PSMC2: variants seen among roughly 807,000 people sequenced by gnomAD.
PSMC2 encodes proteasome 26S subunit, ATPase 2.
A neutral mutation model predicts 53.3 loss-of-function variants in PSMC2; 7 were observed. The ratio of observed to expected loss-of-function variants is 0.13; its 90% CI spans 0.07 to 0.25. PSMC2 has a LOEUF of 0.25. Among genes scored for constraint, PSMC2 ranks in the 10% least tolerant of loss-of-function variants. PSMC2 has a pLI of 1.00. For missense variants in PSMC2, 241 were observed against 544.0 expected (o/e 0.44, Z 5.54); for synonymous variants, 169 against 183.9 (o/e 0.92, Z 0.66).
chr7:103,348,795 CCAAGGCAT>C, intron 1 of PSMC2: 1 of 824,702 alleles, frequency 1.2e-6, no homozygotes, highest in South Asian at 1.3e-5. Context: ...AAAGGATTAT[CCAAGGCAT>C]CTACCCAATG....
At chr7:103,353,834 C>A in intron 1 of PSMC2, 87 bp from the exon 2 acceptor site, 1 of 1,133,292 alleles carries the variant, frequency 8.8e-7, no homozygotes, top group African/African-American at 1.6e-5. Context: ...CAATTTGAAT[C>A]GAACAGAAAA....
In PSMC2 at chr7:103,367,899, G is replaced by T; in HGVS notation, c.1147G>T (p.Ala383Ser). The T allele has an allele frequency of 1.2e-6, 2 of 1,613,064 alleles. No individual in the cohort carries two copies. The highest frequency in any genetic ancestry group is 1.7e-6 in the Non-Finnish European group (2 of 1,179,668). The change falls in exon 12 of 12, where the codon GCT becomes TCT. Residue 383 changes from alanine to serine, a missense_variant and splice_region_variant. By Grantham distance (99) the Ala-to-Ser change is moderately conservative. This residue lies in a region of PSMC2 where 60 missense variants were observed against 115.8 expected (regional missense o/e 0.52). Transcript: ENST00000292644. The surrounding 1 kb of genome is among the most constrained non-coding windows in gnomAD (Gnocchi z 6.1). Reference sequence around the variant, plus strand: ...TTTATTTTCTTTTTGTTTGAAAGGTGCTGAGATTAGAAGCGTCTGCACAGA... The same window carrying T: ...TTTATTTTCTTTTTGTTTGAAAGGTTCTGAGATTAGAAGCGTCTGCACAGA... ...LARLCPNSTG[A>S]EIRSVCTEAG...
intron 1 of PSMC2, chr7:103,352,806 C>T (rs1819795006): frequency 1.3e-6 from 1 of 779,876 alleles, no homozygotes; most frequent in African/African-American, 1.7e-5. Flanking sequence ...TGAGGTCACC[C>T]CACTAACAGA....
rs1820838598 is a variant in PSMC2, at chr7:103,368,480, A to C, written c.*426A>C. 1 of 155,444 alleles carries C rather than the reference A, an allele frequency of 6.4e-6. No homozygotes were observed. The highest frequency in any genetic ancestry group is 1.4e-5 in the Non-Finnish European group (1 of 70,182). 9.6% of individuals were successfully genotyped at this position (155,444 alleles called of 1,614,324 possible). ...CAAGTACAAGTTTGTTGGCTCCATT[A>C]CCTATGCTCCTATTATCCGCTTCTG... On this transcript the variant is annotated 3_prime_UTR_variant, in exon 12 of 12. Coordinates refer to ENST00000292644, the MANE Select transcript of PSMC2 (RefSeq NM_002803.4).
At chr7:103,351,654 A>T (rs1353220915) in intron 1 of PSMC2, among the ~76,000 whole-genome samples, 2 of 152,206 alleles carry the variant, frequency 1.3e-5, no homozygotes, top group Non-Finnish European at 2.9e-5. Flanking sequence ...GACAAGAGCC[A>T]AGAACCAACC....
chr7:103,367,283 T>G lies in PSMC2; in HGVS notation c.845-130T>G, dbSNP rs1445592529. 4.2e-6 allele frequency: 3 copies of G among 712,688 alleles called. No individual in the cohort carries two copies. The highest frequency in any genetic ancestry group is 4.8e-6 in the Non-Finnish European group (2 of 415,864). The allele number at this position is 712,688 out of a possible 1,614,324, so 44.1% of individuals were successfully genotyped here. A position where few individuals can be genotyped will look rare whatever the true frequency, so the allele number is the denominator to read the frequency against. On this transcript the variant is annotated intron_variant, in intron 9 of 11. Coordinates refer to ENST00000292644, the MANE Select transcript of PSMC2 (RefSeq NM_002803.4). This position sits in a 1 kb window ranked among gnomAD's most constrained non-coding sequence, Gnocchi z 6.1. The stretch of plus-strand genomic sequence containing the variant: ...ATAAAGCAAGCTGTTCTTACAGGAT[T>G]TGCTTCAAAGTGGGATGTCACTTGT...
rs1820788829 is a variant in PSMC2 at position 103,367,747 on chromosome 7, C to T, written c.1082C>T (p.Ser361Leu). The part of the protein sequence containing the change: ...RTHIFKIHAR[S>L]MSVERDIRFE... ...CACATATTTAAGATTCACGCTCGTT[C>T]AATGAGTGTTGAAAGAGATATCAGA... is the stretch of plus-strand genomic sequence containing the variant. Residue 361 changes from serine to leucine, a missense_variant, in exon 11 of 12, where the codon TCA (serine) becomes TTA (leucine). Physicochemically the swap from Ser to Leu is moderately radical, Grantham distance 145. This residue lies in a region of PSMC2 where 60 missense variants were observed against 115.8 expected (regional missense o/e 0.52). Transcript: ENST00000292644. This position sits in a 1 kb window ranked among gnomAD's most constrained non-coding sequence, Gnocchi z 6.1. 6.2e-7 allele frequency: 1 copy of T among 1,613,918 alleles called. No homozygotes were observed.
In PSMC2 at chr7:103,348,519, T is replaced by C. The variant is rs1036401731; in HGVS notation, c.70+738T>C. On this transcript the variant is annotated intron_variant, in intron 1 of 11. Coordinates refer to ENST00000292644, the MANE Select transcript of PSMC2 (RefSeq NM_002803.4). Reference sequence around the variant, plus strand: ...TGCGTATACAGTAATGTATTTATTATTGATGGACGTGTAGATTTTTCCAAT... The same window carrying C: ...TGCGTATACAGTAATGTATTTATTACTGATGGACGTGTAGATTTTTCCAAT... 8 of 669,486 alleles carry C rather than the reference T, an allele frequency of 1.2e-5. 1 individual carries two copies. The highest frequency in any genetic ancestry group is 7.4e-5 in the South Asian group (5 of 67,880). The allele number at this position is 669,486 out of a possible 1,614,324, so 41.5% of individuals were successfully genotyped here. A position where few individuals can be genotyped will look rare whatever the true frequency, so the allele number is the denominator to read the frequency against.
At position 103,364,135 on chromosome 7, in the gene PSMC2, T is replaced by C. The variant is rs1201511764; in HGVS notation, c.592-8T>C. 6.2e-7 allele frequency: 1 copy of C among 1,612,074 alleles called. No individual in the cohort carries two copies. Among genetic ancestry groups the C allele is most frequent in the African/African-American group, 1.3e-5 (1 of 74,996 alleles). Reference sequence around the variant, plus strand: ...GTGGTAAGTGTGAAAATTGTGTCTCTATCACAGCCAGAGAGGTTTGTGAAC... The same window carrying C: ...GTGGTAAGTGTGAAAATTGTGTCTCCATCACAGCCAGAGAGGTTTGTGAAC... On this transcript the variant is annotated splice_region_variant and splice_polypyrimidine_tract_variant and intron_variant, in intron 7 of 11. Transcript: ENST00000292644.
intron 4 of PSMC2, among the ~76,000 whole-genome samples, chr7:103,361,413 G>A (rs1256311962): frequency 1.3e-5 from 2 of 150,206 alleles, no homozygotes; most frequent in African/African-American, 4.9e-5. Flanking sequence ...GGGAGGCTGA[G>A]GCAGGAGAAT....
Position 103,347,743 on chromosome 7 carries a change from A to G in PSMC2, c.32A>G (p.Lys11Arg), listed in dbSNP as rs747152993. 3.1e-6 allele frequency: 5 copies of G among 1,613,926 alleles called. No homozygotes were observed. The highest frequency in any genetic ancestry group is 4.2e-6 in the Non-Finnish European group (5 of 1,179,842). ...GATTACCTCGGTGCCGATCAGCGGA[A>G]GACCAAAGAGGATGAGAAGGACGAC... The part of the protein sequence containing the change: MPDYLGADQR[K>R]TKEDEKDDKP... Residue 11 changes from lysine (K) to arginine (R), a missense_variant, in exon 1 of 12, where the codon AAG (lysine) becomes AGG (arginine). Lys to Arg is a conservative substitution (Grantham distance 26). Around this residue, in one of 6 missense-constraint regions of PSMC2, gnomAD observed 70 missense variants for 57.9 expected, o/e 1.21. Coordinates refer to ENST00000292644, the MANE Select transcript of PSMC2 (RefSeq NM_002803.4).
At chr7:103,349,142 C>A (rs900455158) in intron 1 of PSMC2, among the ~76,000 whole-genome samples, 13 of 152,152 alleles carry the variant, frequency 8.5e-5, no homozygotes, top group African/African-American at 3.1e-4. Flanking sequence ...TCTTACTTTT[C>A]CCTTTCTTAA....
In PSMC2 at chr7:103,354,865, T is replaced by C. The variant is rs1819943797; in HGVS notation, c.109-3T>C. The stretch of plus-strand genomic sequence containing the variant: ...TCTAACTAAACTGACCTTCATCACC[T>C]AGGGTCAGAGCACTTACTCTAGGCA... On this transcript the variant is annotated splice_region_variant and splice_polypyrimidine_tract_variant and intron_variant, in intron 2 of 11. Transcript: ENST00000292644. 1 of 1,603,868 alleles carries C rather than the reference T, an allele frequency of 6.2e-7. No homozygotes were observed. Among genetic ancestry groups the C allele is most frequent in the African/African-American group, 1.3e-5 (1 of 74,672 alleles).
chr7:103,355,585 C>T, intron 3 of PSMC2, 109 bp from the exon 4 acceptor site: 2 of 803,498 alleles, frequency 2.5e-6, no homozygotes, highest in Non-Finnish European at 2.1e-6. Flanking sequence ...CATGATAGTC[C>T]TCACAATGAA....
rs944093691 is a variant in PSMC2, at chr7:103,350,977, C to T, written c.71-2944C>T. Among the ~76,000 whole-genome samples, 6 of 152,020 alleles carry T rather than the reference C, an allele frequency of 3.9e-5. No homozygotes were observed. In the East Asian group the frequency reaches 5.8e-4, roughly 15 times the overall value. On this transcript the variant is annotated intron_variant, in intron 1 of 11. Transcript: ENST00000292644. ...CTCTTGCTGAACCTTCCCGTTTATCCGCCTGCTTCTTTTCTTTCCTTCATT... is the reference window on the plus strand; with the variant it reads ...CTCTTGCTGAACCTTCCCGTTTATCTGCCTGCTTCTTTTCTTTCCTTCATT...
At chr7:103,359,874 G>A (rs1300656766) in intron 4 of PSMC2, among the ~76,000 whole-genome samples, 1 of 152,108 alleles carries the variant, frequency 6.6e-6, no homozygotes, top group African/African-American at 2.4e-5. Context: ...GAGGTTGGGA[G>A]TTTGAGATCA....
intron 3 of PSMC2, 103 bp from the exon 4 acceptor site, chr7:103,355,591 A>C: frequency 1.2e-6 from 1 of 847,286 alleles, no homozygotes; most frequent in Non-Finnish European, 1.9e-6. Flanking sequence ...AGTCCTCACA[A>C]TGAATGATTC....
rs1820516000 is a variant in PSMC2, at chr7:103,363,227, T to C, written c.496-117T>C. On this transcript the variant is annotated intron_variant, in intron 6 of 11. Transcript: ENST00000292644. ...GGGCACTGGGCAATGTATTCAATTT[T>C]TATTAAAATTCTCACTTGTGAGTTT... is the stretch of plus-strand genomic sequence containing the variant. 3 of 772,994 alleles carry C rather than the reference T, an allele frequency of 3.9e-6. No individual in the cohort carries two copies. In the Admixed American group the frequency reaches 8.3e-5, roughly 21 times the overall value. 47.9% of individuals were successfully genotyped at this position (772,994 alleles called of 1,614,324 possible).
chr7:103,357,911 G>A (rs1338746435), intron 4 of PSMC2, among the ~76,000 whole-genome samples: 2 of 151,926 alleles, frequency 1.3e-5, no homozygotes, highest in Admixed American at 6.6e-5. Context: ...GTGTTCTCTC[G>A]GTTTCATTTT....
Sources: allele counts gnomAD v4.1 joint callset (sites outside exome capture counted in the v4.1 genomes callset), GRCh38; gene constraint gnomAD v4.1.1; regional missense constraint gnomAD v4.1.1; non-coding constraint Gnocchi (gnomAD v3.1); transcripts MANE v1.5; gene names NCBI Gene and HGNC (gene_info 2026-07-23, HGNC 2026-07-21).